The following PPP1R12B variants were observed in gnomAD, a reference collection of about 807,000 sequenced individuals.
PPP1R12B encodes protein phosphatase 1 regulatory subunit 12B.
Under a neutral mutation model 126.1 loss-of-function variants are expected in PPP1R12B, and 76 were observed. That is an observed-to-expected ratio of 0.60 (90% CI 0.50 to 0.73). The LOEUF (loss-of-function observed/expected upper bound fraction) is 0.73. Ranked by LOEUF, PPP1R12B falls within the 30% of genes least tolerant of loss-of-function variation. The pLI is 0.00. For synonymous variants in PPP1R12B, 356 were observed against 434.7 expected, an observed-to-expected ratio of 0.82 and a Z score of 2.25; for missense variants, 1,052 against 1,205.1, an observed-to-expected ratio of 0.87 and a Z score of 1.88.
intron 18 of PPP1R12B, chr1:202,502,065 C>G (rs1680284196): frequency 1.0e-6 from 1 of 985,436 alleles, no homozygotes; most frequent in Admixed American, 6.2e-5. Flanking sequence ...CCCCTAGAAT[C>G]TCTATTGCTT....
chr1:202,447,411 GTAC>G (rs1672419696), intron 12 of PPP1R12B, among the ~76,000 whole-genome samples: 1 of 152,010 alleles, frequency 6.6e-6, no homozygotes, highest in East Asian at 1.9e-4. Context: ...TTTATTCTGG[GTAC>G]TATTTTAGGT....
At chr1:202,389,380 C>T (rs1261335009) in intron 1 of PPP1R12B, among the ~76,000 whole-genome samples, 1 of 151,412 alleles carries the variant, frequency 6.6e-6, no homozygotes, top group Non-Finnish European at 1.5e-5. Flanking sequence ...CGCGGTGGCT[C>T]ATGCCTGTAA....
At chr1:202,399,928 G>A (rs1402193966) in intron 1 of PPP1R12B, among the ~76,000 whole-genome samples, 2 of 152,038 alleles carry the variant, frequency 1.3e-5, no homozygotes, top group South Asian at 2.1e-4. Context: ...GAAGTTTGGG[G>A]TATGATTGAT....
rs1238089225 is a variant in PPP1R12B, at chr1:202,580,945, A to ACATTAACC, written c.*388_*395dup. The ACATTAACC allele has an allele frequency of 1.1e-5, 2 of 190,190 alleles. No individual in the cohort carries two copies. Among genetic ancestry groups the ACATTAACC allele is most frequent in the African/African-American group, 4.6e-5 (2 of 43,504 alleles). The allele number at this position is 190,190 out of a possible 1,614,324, so 11.8% of individuals were successfully genotyped here. On this transcript the variant is annotated 3_prime_UTR_variant, in exon 24 of 24. Coordinates refer to ENST00000608999, the MANE Select transcript of PPP1R12B (RefSeq NM_002481.4). ...CCTAATCAGTATCCTTCAGCTTTTT[A>ACATTAACC]CATTAACCCAGTGTCCTCTGATATA...
intron 13 of PPP1R12B, among the ~76,000 whole-genome samples, chr1:202,451,080 AT>A (rs1672856846): frequency 6.7e-6 from 1 of 149,644 alleles, no homozygotes; most frequent in East Asian, 2.0e-4. Context: ...TAGTTATTTG[AT>A]TAATTCCTAG....
intron 2 of PPP1R12B, among the ~76,000 whole-genome samples, chr1:202,421,412 G>A (rs377452035): frequency 4.5e-4 from 68 of 151,022 alleles, no homozygotes; most frequent in African/African-American, 1.5e-3. Flanking sequence ...CGAGGCGGGC[G>A]GACTACTTGA....
intron 17 of PPP1R12B, among the ~76,000 whole-genome samples, chr1:202,496,121 C>T (rs1679526120): frequency 6.6e-6 from 1 of 152,058 alleles, no homozygotes; most frequent in Admixed American, 6.6e-5. Flanking sequence ...AACTTAAAAC[C>T]TCTAAGTAAT....
intron 13 of PPP1R12B, among the ~76,000 whole-genome samples, chr1:202,451,506 G>A (rs1283547236): frequency 6.7e-6 from 1 of 149,974 alleles, no homozygotes; most frequent in Non-Finnish European, 1.5e-5. Context: ...TAGATCAACA[G>A]GATCCCAAGG....
intron 18 of PPP1R12B, among the ~76,000 whole-genome samples, chr1:202,515,938 G>A (rs1035362564): frequency 1.7e-4 from 26 of 152,158 alleles, no homozygotes; most frequent in Non-Finnish European, 2.9e-5. Flanking sequence ...AATTAGATGA[G>A]ATTTAGCGAG....
chr1:202,355,922 C>A (rs533049238), intron 1 of PPP1R12B, among the ~76,000 whole-genome samples: 1 of 152,244 alleles, frequency 6.6e-6, no homozygotes, highest in South Asian at 2.1e-4. Context: ...GTAATCCCAG[C>A]ACTTTGGGAG....
intron 18 of PPP1R12B, among the ~76,000 whole-genome samples, chr1:202,528,747 G>GT (rs202015919): frequency 0.023 from 3,493 of 148,856 alleles, 138 homozygotes; most frequent in African/African-American, 0.079. Flanking sequence ...TTTTGTTTTT[G>GT]TTTTTTTTTA....
chr1:202,574,518 G>A (rs1455186361), intron 23 of PPP1R12B, among the ~76,000 whole-genome samples: 1 of 152,124 alleles, frequency 6.6e-6, no homozygotes, highest in Non-Finnish European at 1.5e-5. Flanking sequence ...AATAAACAAA[G>A]TGAAAGAAGG....
intron 18 of PPP1R12B, among the ~76,000 whole-genome samples, chr1:202,545,691 T>C (rs1299671630): frequency 2.0e-5 from 3 of 152,210 alleles, no homozygotes; most frequent in Non-Finnish European, 4.4e-5. Flanking sequence ...AGGTGAATTT[T>C]CTAATAAAGA....
At chr1:202,510,727 A>G (rs1681370042) in intron 18 of PPP1R12B, among the ~76,000 whole-genome samples, 1 of 152,014 alleles carries the variant, frequency 6.6e-6, no homozygotes, top group Non-Finnish European at 1.5e-5. Context: ...ATTATATGTC[A>G]GGCACTATGC....
chr1:202,548,808 CTATA>C (rs370219273), intron 18 of PPP1R12B, among the ~76,000 whole-genome samples: 1,657 of 72,820 alleles, frequency 0.023, 22 homozygotes, highest in East Asian at 0.066. Context: ...CTCTCTCTCT[CTATA>C]TATATATATA....
At chr1:202,361,036 G>A (rs1234733614) in intron 1 of PPP1R12B, among the ~76,000 whole-genome samples, 2 of 151,830 alleles carry the variant, frequency 1.3e-5, no homozygotes, top group African/African-American at 4.8e-5. Flanking sequence ...GACTACAGGT[G>A]CCCGCCACCA....
In PPP1R12B at chr1:202,381,743, C is replaced by T. The variant is rs577942963; in HGVS notation, c.291+32601C>T. Among the ~76,000 whole-genome samples the T allele has an allele frequency of 2.2e-3, 336 of 152,226 alleles. 1 individual carries two copies. The highest frequency in any genetic ancestry group is 7.8e-3 in the African/African-American group (322 of 41,526). On this transcript the variant is annotated intron_variant, in intron 1 of 23. Coordinates refer to ENST00000608999, the MANE Select transcript of PPP1R12B (RefSeq NM_002481.4). ...CCTTCCTTTATGGTATCTGTTAATA[C>T]GTAGCATGTTAATATTAGAATTTTA... is the stretch of plus-strand genomic sequence containing the variant.
intron 1 of PPP1R12B, among the ~76,000 whole-genome samples, chr1:202,404,082 A>G (rs1454293202): frequency 1.3e-5 from 2 of 152,088 alleles, no homozygotes; most frequent in Non-Finnish European, 2.9e-5. Flanking sequence ...TGCAATTATC[A>G]TTCTAAGATA....
chr1:202,349,917 T>G (rs1655635620), intron 1 of PPP1R12B, among the ~76,000 whole-genome samples: 1 of 152,182 alleles, frequency 6.6e-6, no homozygotes, highest in African/African-American at 2.4e-5. Flanking sequence ...TAACGACACC[T>G]TTACTTCTGT....
Sources: gnomAD v4.1 joint callset for allele counts (sites outside exome capture counted in the v4.1 genomes callset) on GRCh38, gnomAD v4.1.1 for gene constraint, MANE v1.5 for transcripts, NCBI Gene and HGNC (gene_info 2026-07-23, HGNC 2026-07-21) for gene names.